ZC3H12B: variants seen among roughly 807,000 people sequenced by gnomAD.
ZC3H12B encodes zinc finger CCCH-type containing 12B.
In ZC3H12B, 7 loss-of-function variants were observed where a neutral mutation model predicts 43.9. That is an observed-to-expected ratio of 0.16 (90% CI 0.09 to 0.30). The LOEUF is 0.30. Among genes scored for constraint, ZC3H12B ranks in the 10% least tolerant of loss-of-function variants. The probability of loss-of-function intolerance (pLI) is 1.00; values close to 1 mark genes in which losing one functional copy is unlikely to be tolerated. For synonymous variants in ZC3H12B, 222 were observed against 241.7 expected (o/e 0.92, Z 0.76); for missense variants, 475 against 670.2 (o/e 0.71, Z 3.22).
the ZC3H12B span, among the ~76,000 whole-genome samples, chrX:65,046,615 T>C: frequency 2.7e-5 from 3 of 112,373 alleles, no homozygotes; most frequent in Non-Finnish European, 5.6e-5. Flanking sequence ...TAGGCTGTTT[T>C]GCTGTTTTAT....
At chrX:65,369,685 A>G (rs1317150440) in intron 2 of ZC3H12B, among the ~76,000 whole-genome samples, 2 of 112,023 alleles carry the variant, frequency 1.8e-5, no homozygotes, top group East Asian at 5.5e-4. Context: ...ATTCTCAGGA[A>G]TAAAGCATCT....
At chrX:65,298,928 G>A in the ZC3H12B span, among the ~76,000 whole-genome samples, 7 of 111,473 alleles carry the variant, frequency 6.3e-5, no homozygotes, top group Non-Finnish European at 9.4e-5. Flanking sequence ...TTATAAAGCC[G>A]TCAGATCTCA....
At chrX:65,052,357 A>G in the ZC3H12B span, among the ~76,000 whole-genome samples, 1 of 111,076 alleles carries the variant, frequency 9.0e-6, no homozygotes, top group African/African-American at 3.3e-5. Flanking sequence ...TAAGATGTAC[A>G]ATTAAGTTAT....
the ZC3H12B span, among the ~76,000 whole-genome samples, chrX:65,055,283 T>A: frequency 9.0e-6 from 1 of 111,475 alleles, no homozygotes; most frequent in Non-Finnish European, 1.9e-5. Flanking sequence ...TTATTGAGAG[T>A]TTTTAGCATA....
the ZC3H12B span, among the ~76,000 whole-genome samples, chrX:65,105,363 A>C: frequency 4.5e-5 from 5 of 111,376 alleles, no homozygotes; most frequent in African/African-American, 1.6e-4. Context: ...TGGCACATGT[A>C]AATCTATGTA....
chrX:65,309,166 C>CAA, the ZC3H12B span, among the ~76,000 whole-genome samples: 82 of 95,376 alleles, frequency 8.6e-4, no homozygotes, highest in African/African-American at 3.0e-3. Context: ...GCTAGAAACA[C>CAA]AAAAAAAAAA....
At chrX:65,359,206 G>T in the ZC3H12B span, among the ~76,000 whole-genome samples, 8 of 111,187 alleles carry the variant, frequency 7.2e-5, no homozygotes, top group African/African-American at 2.6e-4. Flanking sequence ...AATGCATCTA[G>T]TCACGCAAGA....
chrX:65,190,455 G>T, the ZC3H12B span, among the ~76,000 whole-genome samples: 1 of 110,827 alleles, frequency 9.0e-6, no homozygotes, highest in Non-Finnish European at 1.9e-5. Flanking sequence ...CCATTTGTTT[G>T]TATCCTCTTT....
chrX:65,256,494 G>T, the ZC3H12B span, among the ~76,000 whole-genome samples: 1 of 111,767 alleles, frequency 8.9e-6, no homozygotes, highest in Non-Finnish European at 1.9e-5. Flanking sequence ...AAACTAATTG[G>T]AACAAAGATA....
At chrX:65,325,746 C>G in the ZC3H12B span, among the ~76,000 whole-genome samples, 9 of 111,230 alleles carry the variant, frequency 8.1e-5, no homozygotes, top group Middle Eastern at 4.8e-3. Context: ...CCTAAAATAT[C>G]CAATTTTTAA....
intron 3 of ZC3H12B, among the ~76,000 whole-genome samples, chrX:65,458,299 A>G (rs1221668884): frequency 6.3e-5 from 7 of 110,308 alleles, no homozygotes; most frequent in African/African-American, 2.0e-4. Context: ...AGACAGATCA[A>G]TGAGACAGAA....
chrX:65,278,543 A>G, the ZC3H12B span, among the ~76,000 whole-genome samples: 1 of 112,087 alleles, frequency 8.9e-6, no homozygotes, highest in African/African-American at 3.2e-5. Flanking sequence ...CTTTCACTTA[A>G]AAAATAATTG....
the ZC3H12B span, among the ~76,000 whole-genome samples, chrX:65,092,241 C>T: frequency 9.0e-6 from 1 of 111,667 alleles, no homozygotes; most frequent in Admixed American, 9.6e-5. Context: ...AATATCTTTT[C>T]TTTATAAATT....
At chrX:65,483,257 A>G (rs2068084735) in intron 3 of ZC3H12B, among the ~76,000 whole-genome samples, 1 of 111,975 alleles carries the variant, frequency 8.9e-6, no homozygotes, top group Admixed American at 9.5e-5. Flanking sequence ...TTTCTTTGCT[A>G]AGTGTTACTA....
At chrX:65,479,557 C>T (rs187398945) in intron 3 of ZC3H12B, among the ~76,000 whole-genome samples, 56 of 110,559 alleles carry the variant, frequency 5.1e-4, no homozygotes, top group African/African-American at 1.6e-3. Flanking sequence ...TAGTAGAGAA[C>T]GGGTTTCACT....
chrX:65,231,700 G>C, the ZC3H12B span, among the ~76,000 whole-genome samples: 1 of 110,815 alleles, frequency 9.0e-6, no homozygotes, highest in Non-Finnish European at 1.9e-5. Context: ...TATTCTGCCC[G>C]ACCCCGCAGG....
chrX:65,444,101 CCT>C (rs1352956503), intron 3 of ZC3H12B, among the ~76,000 whole-genome samples: 6 of 112,183 alleles, frequency 5.3e-5, no homozygotes, highest in Non-Finnish European at 1.1e-4. Flanking sequence ...TTCTTATCTA[CCT>C]CTCTGTGAGA....
chrX:65,063,141 A>G, the ZC3H12B span, among the ~76,000 whole-genome samples: 4 of 111,690 alleles, frequency 3.6e-5, no homozygotes, highest in African/African-American at 6.5e-5. Flanking sequence ...TTGTATTTGA[A>G]TACCTTTTAT....
the ZC3H12B span, among the ~76,000 whole-genome samples, chrX:65,123,340 G>T: frequency 2.7e-5 from 3 of 111,455 alleles, no homozygotes; most frequent in Admixed American, 9.5e-5. Flanking sequence ...GTGTTTTATT[G>T]AGGATTTTTA....
Sources: gnomAD v4.1 joint callset for allele counts (sites outside exome capture counted in the v4.1 genomes callset) on GRCh38, gnomAD v4.1.1 for gene constraint, MANE v1.5 for transcripts, NCBI Gene and HGNC (gene_info 2026-07-23, HGNC 2026-07-21) for gene names.